AP3B1: variants seen among roughly 807,000 people sequenced by gnomAD.
AP3B1 encodes adaptor related protein complex 3 subunit beta 1.
In AP3B1, 61 loss-of-function variants were observed where a neutral mutation model predicts 132.5. The ratio of observed to expected loss-of-function variants is 0.46; its 90% CI spans 0.37 to 0.57. The LOEUF is 0.57. Ranked by LOEUF, AP3B1 falls within the 20% of genes least tolerant of loss-of-function variation. The pLI is 0.00. For synonymous variants in AP3B1, 388 were observed against 438.3 expected (o/e 0.89, Z 1.43); for missense variants, 1,120 against 1,289.4 (o/e 0.87, Z 2.01).
intron 7 of AP3B1, among the ~76,000 whole-genome samples, chr5:78,199,087 A>G (rs907793561): frequency 3.9e-5 from 6 of 152,170 alleles, no homozygotes; most frequent in African/African-American, 1.2e-4. Flanking sequence ...ACCATTGAAC[A>G]CTGAATCTCC....
At chr5:78,162,630 TA>T (rs536131536) in intron 13 of AP3B1, among the ~76,000 whole-genome samples, 188 bp downstream of exon 13, 29 of 146,348 alleles carry the variant, frequency 2.0e-4, no homozygotes, top group Admixed American at 2.7e-4. Flanking sequence ...CCTATTTTAC[TA>T]AAAAAAAAAG....
chr5:78,207,502 A>G (rs1349327955), intron 7 of AP3B1, among the ~76,000 whole-genome samples: 1 of 152,120 alleles, frequency 6.6e-6, no homozygotes, highest in African/African-American at 2.4e-5. Context: ...AGATTATAAA[A>G]CAGAATAACG....
chr5:78,261,508 C>G (rs1748090011), intron 2 of AP3B1, among the ~76,000 whole-genome samples: 2 of 152,342 alleles, frequency 1.3e-5, no homozygotes, highest in South Asian at 4.1e-4. Context: ...TCTTGTCACC[C>G]AGGCTGCAGT....
At chr5:78,053,251 C>T (rs527335049) in intron 22 of AP3B1, among the ~76,000 whole-genome samples, 61 of 152,340 alleles carry the variant, frequency 4.0e-4, no homozygotes, top group African/African-American at 1.5e-3. Context: ...GCATTCATTT[C>T]CTCTTTTCTG....
In AP3B1 at chr5:78,227,365, C is replaced by T; in HGVS notation, c.536+7G>A. 1.2e-6 allele frequency: 2 copies of T among 1,611,846 alleles called. No homozygotes were observed. The highest frequency in any genetic ancestry group is 1.7e-6 in the Non-Finnish European group (2 of 1,178,298). On this transcript the variant is annotated splice_region_variant and intron_variant, in intron 5 of 26. Coordinates refer to ENST00000255194, the MANE Select transcript of AP3B1 (RefSeq NM_003664.5). ...GATCTTTGGTATATTGTTAACAATG[C>T]ACCTACCTGTATAATTTTTGTATTG...
chr5:78,175,766 T>A lies in AP3B1; in HGVS notation c.1095+18A>T, dbSNP rs780658251. On this transcript the variant is annotated intron_variant, in intron 10 of 26. Transcript: ENST00000255194. ...GTGTTCATGTGTCTCTTAAATTACG[T>A]GTTCAGAACATACATACCTTTCTTT... The A allele has an allele frequency of 6.2e-7, 1 of 1,611,254 alleles. No homozygotes were observed. Among genetic ancestry groups the A allele is most frequent in the South Asian group, 1.1e-5 (1 of 91,008 alleles).
Position 78,216,122 on chromosome 5 carries a change from C to A in AP3B1, c.719G>T (p.Gly240Val). ...TAGCATGTGGATTATGACAACCTGCCCCCACTCTTCAACATCCACTAGTAA... is the reference window on the plus strand; with the variant it reads ...TAGCATGTGGATTATGACAACCTGCACCCACTCTTCAACATCCACTAGTAA... ...CNLLVDVEEWGQVVIIHMLTR... is the reference protein window; with the variant it reads ...CNLLVDVEEWVQVVIIHMLTR... Residue 240 changes from glycine to valine, a missense_variant, in exon 7 of 27, where the codon GGG (glycine) becomes GTG (valine). Physicochemically the swap from Gly to Val is moderately radical, Grantham distance 109. Coordinates refer to ENST00000255194, the MANE Select transcript of AP3B1 (RefSeq NM_003664.5). The A allele has an allele frequency of 1.2e-6, 2 of 1,614,022 alleles. No homozygotes were observed. Among genetic ancestry groups the A allele is most frequent in the Non-Finnish European group, 8.5e-7 (1 of 1,179,914 alleles).
intron 24 of AP3B1, among the ~76,000 whole-genome samples, chr5:78,027,430 A>G (rs538483969): frequency 2.2e-4 from 33 of 152,166 alleles, no homozygotes; most frequent in South Asian, 6.2e-4. Flanking sequence ...GTCAATATCA[A>G]TTACACAGAA....
chr5:78,176,469 T>C (rs569206506), intron 9 of AP3B1, among the ~76,000 whole-genome samples: 47 of 152,326 alleles, frequency 3.1e-4, no homozygotes, highest in East Asian at 1.3e-3. Flanking sequence ...GCTACAATTG[T>C]GGACTAAGTT....
intron 22 of AP3B1, among the ~76,000 whole-genome samples, chr5:78,081,479 T>C (rs1359115230): frequency 6.6e-6 from 1 of 151,912 alleles, no homozygotes; most frequent in Non-Finnish European, 1.5e-5. Context: ...GGCTAATTTT[T>C]TTTGTATTTT....
chr5:78,068,016 C>T (rs549112296), intron 22 of AP3B1, among the ~76,000 whole-genome samples: 21 of 151,804 alleles, frequency 1.4e-4, no homozygotes, highest in African/African-American at 4.8e-4. Context: ...AAAGAGACCA[C>T]TAGCTAGACT....
chr5:78,111,220 C>T (rs1751576612), intron 19 of AP3B1, among the ~76,000 whole-genome samples: 1 of 152,116 alleles, frequency 6.6e-6, no homozygotes, highest in South Asian at 2.1e-4. Context: ...TTCTAAAGTA[C>T]TATCTTGCTA....
At chr5:78,250,350 G>A (rs1057330124) in intron 2 of AP3B1, among the ~76,000 whole-genome samples, 100 of 152,200 alleles carry the variant, frequency 6.6e-4, no homozygotes, top group Middle Eastern at 3.4e-3. Context: ...TAATGAAGAC[G>A]TACCAATTAA....
At chr5:78,025,257 T>C (rs144334246) in intron 24 of AP3B1, among the ~76,000 whole-genome samples, 1 of 152,248 alleles carries the variant, frequency 6.6e-6, no homozygotes, top group African/African-American at 2.4e-5. Context: ...GGACACCACA[T>C]ACTCCTCGAT....
At chr5:78,115,674 A>C (rs1288118580) in intron 18 of AP3B1, among the ~76,000 whole-genome samples, 5 of 152,184 alleles carry the variant, frequency 3.3e-5, no homozygotes. Context: ...GAGACTTAAT[A>C]ATTTTAGCTT....
At chr5:78,258,368 G>T (rs796726139) in intron 2 of AP3B1, among the ~76,000 whole-genome samples, 1 of 152,010 alleles carries the variant, frequency 6.6e-6, no homozygotes, top group Non-Finnish European at 1.5e-5. Flanking sequence ...ATAAAAAGGG[G>T]GCAAAAGATT....
At chr5:78,149,450 C>CTA (rs1753551823) in intron 14 of AP3B1, among the ~76,000 whole-genome samples, 1 of 152,078 alleles carries the variant, frequency 6.6e-6, no homozygotes, top group African/African-American at 2.4e-5. Flanking sequence ...ATGATATGCT[C>CTA]TATAGGAGTT....
rs1209845885 is a variant in AP3B1 at position 78,116,180 on chromosome 5, A to G, written c.2023T>C (p.Phe675Leu). The G allele has an allele frequency of 6.2e-6, 10 of 1,613,762 alleles. No homozygotes were observed. Among genetic ancestry groups the G allele is most frequent in the Non-Finnish European group, 7.6e-6 (9 of 1,179,890 alleles). Residue 675 changes from phenylalanine (F) to leucine (L), a missense_variant, in exon 18 of 27, where the codon TTT becomes CTT. Phe to Leu is a conservative substitution (Grantham distance 22, BLOSUM62 0). Coordinates refer to ENST00000255194, the MANE Select transcript of AP3B1 (RefSeq NM_003664.5). Reference protein sequence around the residue: ...KAKQENSAKKFYSESEEEEDS... With the variant: ...KAKQENSAKKLYSESEEEEDS... ...TCCTCTTCCTCAGATTCAGAATAAA[A>G]CTTCTTAGCAGAATTCTCTTGCTTT...
At chr5:78,119,169 C>T (rs1016887362) in intron 17 of AP3B1, among the ~76,000 whole-genome samples, 1 of 152,038 alleles carries the variant, frequency 6.6e-6, no homozygotes, top group South Asian at 2.1e-4. Context: ...GAAAGGACAT[C>T]CACACCAAAA....
Sources: gnomAD v4.1 joint callset for allele counts (sites outside exome capture counted in the v4.1 genomes callset) on GRCh38, gnomAD v4.1.1 for gene constraint, MANE v1.5 for transcripts, NCBI Gene and HGNC (gene_info 2026-07-23, HGNC 2026-07-21) for gene names.